The following AWAT2 variants were observed in gnomAD, a reference collection of about 807,000 sequenced individuals.
The protein encoded by AWAT2 is acyl-CoA wax alcohol acyltransferase 2.
AWAT2 carries 9 observed loss-of-function variants against 22.3 expected under a neutral mutation model. The observed-to-expected ratio is 0.40, with a 90% CI of 0.24 to 0.70. The LOEUF is 0.70. Ranked by LOEUF, AWAT2 falls within the 30% of genes least tolerant of loss-of-function variation. AWAT2 has a pLI of 0.36. For missense variants in AWAT2, 217 were observed against 265.9 expected (o/e 0.82, Z 1.28); for synonymous variants, 100 against 93.4 (o/e 1.07, Z -0.40).
intron 1 of AWAT2, among the ~76,000 whole-genome samples, chrX:70,047,186 T>A (rs900634072): frequency 8.9e-6 from 1 of 112,090 alleles, no homozygotes; most frequent in Non-Finnish European, 1.9e-5. Flanking sequence ...CTAGTGATAG[T>A]GTGCACAGCC....
intron 1 of AWAT2, 126 bp from the exon 2 acceptor site, chrX:70,044,588 A>C: frequency 9.6e-7 from 1 of 1,045,219 alleles, no homozygotes; most frequent in Non-Finnish European, 1.3e-6. Flanking sequence ...CAACACTCTC[A>C]CTTCTTCACC....
At position 70,044,390 on chromosome X, in the gene AWAT2, A is replaced by G; in HGVS notation, c.158T>C (p.Leu53Pro). The G allele has an allele frequency of 8.3e-7, 1 of 1,212,064 alleles. No homozygotes were observed. Among genetic ancestry groups the G allele is most frequent in the Non-Finnish European group, 1.1e-6 (1 of 895,563 alleles). The change falls in exon 2 of 8, where the codon CTT (leucine) becomes CCT (proline). Residue 53 changes from leucine (L) to proline (P), a missense_variant. Coordinates refer to ENST00000276101, the MANE Select transcript of AWAT2 (RefSeq NM_001002254.1). ...TPYWPVTVLILTWLAFDWKTP... is the reference protein window; with the variant it reads ...TPYWPVTVLIPTWLAFDWKTP... The stretch of plus-strand genomic sequence containing the variant: ...CTTCCAGTCAAAAGCCAGCCAGGTA[A>G]GAATAAGCACAGTGACAGGCCAGTA...
At chrX:70,049,317 C>G (rs2020382785) in intron 1 of AWAT2, among the ~76,000 whole-genome samples, 2 of 112,447 alleles carry the variant, frequency 1.8e-5, no homozygotes, top group Admixed American at 1.9e-4. Flanking sequence ...ATTTAGAACA[C>G]AGTGGCCAGC....
intron 1 of AWAT2, among the ~76,000 whole-genome samples, chrX:70,045,167 A>AGATTGAACATTGCAG (rs2020354548): frequency 8.9e-6 from 1 of 112,429 alleles, no homozygotes; most frequent in African/African-American, 3.2e-5. Context: ...GAACATTTCT[A>AGATTGAACATTGCAG]ATTGAACATT....
chrX:70,043,686 C>T lies in AWAT2; in HGVS notation c.268-4G>A, dbSNP rs375588673. The T allele has an allele frequency of 1.2e-5, 14 of 1,197,005 alleles. No individual in the cohort carries two copies. The highest frequency in any genetic ancestry group is 3.0e-5 in the East Asian group (1 of 33,691). On this transcript the variant is annotated splice_polypyrimidine_tract_variant and splice_region_variant and intron_variant, in intron 3 of 7. Transcript: ENST00000276101. ...AGATGTCATGAGTCTTCAGAAGCTG[C>T]GGAAGAAAGTAGAATCAGGAGGGCT...
intron 6 of AWAT2, 87 bp downstream of exon 6, chrX:70,042,100 C>A (rs2020332035): frequency 9.2e-7 from 1 of 1,090,857 alleles, no homozygotes; most frequent in Non-Finnish European, 1.2e-6. Context: ...AGCCTCCCTG[C>A]CTCTGAGCAG....
intron 5 of AWAT2, 184 bp downstream of exon 5, chrX:70,042,885 T>G: frequency 4.3e-6 from 2 of 462,806 alleles, no homozygotes; most frequent in South Asian, 6.6e-5. Context: ...TCTTTTTTTT[T>G]TTTAACTTAT....
chrX:70,046,135 G>A (rs1298975821), intron 1 of AWAT2, among the ~76,000 whole-genome samples: 4 of 111,766 alleles, frequency 3.6e-5, no homozygotes, highest in Admixed American at 1.9e-4. Context: ...GCATTTGCCC[G>A]TACTGAGAGA....
chrX:70,045,874 G>T (rs1384565570), intron 1 of AWAT2, among the ~76,000 whole-genome samples: 1 of 111,119 alleles, frequency 9.0e-6, no homozygotes, highest in African/African-American at 3.3e-5. Context: ...CAGGGCCAGG[G>T]ATAGGGAGAG....
Position 70,049,917 on chromosome X carries a change from T to G in AWAT2, c.16A>C (p.Lys6Gln), listed in dbSNP as rs1428446489. MLLPS[K>Q]KDLKTALDVF... is the part of the protein sequence containing the mutation. ...TCCAGGGCAGTCTTGAGGTCCTTCT[T>G]AGAGGGCAAGAGCATTGTGCCCAGC... Residue 6 changes from lysine to glutamine, a missense_variant, in exon 1 of 8, where the codon AAG becomes CAG. Coordinates refer to ENST00000276101, the MANE Select transcript of AWAT2 (RefSeq NM_001002254.1). The G allele has an allele frequency of 8.3e-7, 1 of 1,209,750 alleles. No individual in the cohort carries two copies. Among genetic ancestry groups the G allele is most frequent in the African/African-American group, 1.7e-5 (1 of 57,214 alleles).
intron 1 of AWAT2, among the ~76,000 whole-genome samples, 159 bp downstream of exon 1, chrX:70,049,689 C>CCAT (rs1293895221): frequency 8.9e-6 from 1 of 112,164 alleles, no homozygotes; most frequent in Non-Finnish European, 1.9e-5. Flanking sequence ...CCCACAAATA[C>CCAT]CATGGCCAGG....
Position 70,041,811 on chromosome X carries a change from A to G in AWAT2, c.999T>C (p.Ile333=). Reference sequence around the variant, plus strand: ...TGAAGGCTACTGGGGATGTCTGTCAAATTATCTCCAGCTCCTGGGTCTCTG... The same window carrying G: ...TGAAGGCTACTGGGGATGTCTGTCAGATTATCTCCAGCTCCTGGGTCTCTG... ...GISETQELEI[I] The change falls in exon 7 of 8, where the codon ATT becomes ATC. Residue 333 remains isoleucine, a synonymous_variant. Transcript: ENST00000276101. 1 of 1,210,707 alleles carries G rather than the reference A, an allele frequency of 8.3e-7. No individual in the cohort carries two copies.
rs1278561519 is a variant in AWAT2 at position 70,040,729 on chromosome X, T to A, written c.*929A>T. ...ACACGCAGGATGTTGTAGACCAAAT[T>A]GACCAACGTAATGCAGGTAAATCAC... On this transcript the variant is annotated 3_prime_UTR_variant, in exon 8 of 8. Transcript: ENST00000276101. 1.8e-5 allele frequency: 2 copies of A among 111,861 alleles called. No individual in the cohort carries two copies. The highest frequency in any genetic ancestry group is 3.8e-5 in the Non-Finnish European group (2 of 53,182). 9.2% of individuals were successfully genotyped at this position (111,861 alleles called of 1,213,427 possible). A position where few individuals can be genotyped will look rare whatever the true frequency, so the allele number is the denominator to read the frequency against.
At chrX:70,045,268 G>A (rs2020355164) in intron 1 of AWAT2, among the ~76,000 whole-genome samples, 1 of 110,655 alleles carries the variant, frequency 9.0e-6, no homozygotes, top group South Asian at 3.8e-4. Context: ...GATCCACAAG[G>A]AGAAAGAGAA....
intron 1 of AWAT2, among the ~76,000 whole-genome samples, chrX:70,047,825 C>T (rs900350005): frequency 2.7e-5 from 3 of 111,282 alleles, no homozygotes; most frequent in Non-Finnish European, 3.8e-5. Context: ...AGCTCTTCTG[C>T]CTGCCCTCTC....
chrX:70,044,211 C>T, intron 2 of AWAT2, 141 bp downstream of exon 2: 2 of 1,064,931 alleles, frequency 1.9e-6, no homozygotes, highest in South Asian at 2.3e-5. Context: ...CTTAAAAGGA[C>T]CCCTTCCCTC....
intron 1 of AWAT2, among the ~76,000 whole-genome samples, chrX:70,047,566 G>A: frequency 8.9e-6 from 1 of 112,258 alleles, no homozygotes; most frequent in Middle Eastern, 4.6e-3. Context: ...CTTACTGTGT[G>A]TGACCAAAGA....
chrX:70,048,600 G>A (rs1335083588), intron 1 of AWAT2, among the ~76,000 whole-genome samples: 1 of 111,953 alleles, frequency 8.9e-6, no homozygotes, highest in African/African-American at 3.3e-5. Context: ...GGTCATAAAT[G>A]GGCAGTTAAC....
chrX:70,046,371 T>C (rs993247616), intron 1 of AWAT2, among the ~76,000 whole-genome samples: 1 of 108,238 alleles, frequency 9.2e-6, no homozygotes, highest in African/African-American at 3.4e-5. Context: ...TATGAAATGT[T>C]AAATTTGTGT....
Sources: allele counts gnomAD v4.1 joint callset (sites outside exome capture counted in the v4.1 genomes callset), GRCh38; gene constraint gnomAD v4.1.1; transcripts MANE v1.5; gene names NCBI Gene and HGNC (gene_info 2026-07-23, HGNC 2026-07-21).